Variants in URM1 observed in about 807,000 individuals in gnomAD.
The protein encoded by URM1 is ubiquitin related modifier 1.
A neutral mutation model predicts 17.7 loss-of-function variants in URM1; 11 were observed. The ratio of observed to expected loss-of-function variants is 0.62; its 90% CI spans 0.39 to 1.03. URM1 has a LOEUF of 1.03. URM1 is among the 50% of genes least tolerant of loss of function. URM1 has a pLI of 0.00. For missense variants in URM1, 128 were observed against 129.2 expected, an observed-to-expected ratio of 0.99 and a Z score of 0.04; for synonymous variants, 48 against 50.6, an observed-to-expected ratio of 0.95 and a Z score of 0.22.
intron 1 of URM1, among the ~76,000 whole-genome samples, chr9:128,374,109 C>T (rs1472603554): frequency 6.6e-6 from 1 of 152,060 alleles, no homozygotes; most frequent in Non-Finnish European, 1.5e-5. Flanking sequence ...GAGAGTCTGG[C>T]CTTGGTCTCT....
intron 4 of URM1, 108 bp downstream of exon 4, chr9:128,389,417 G>A (rs749680425): frequency 4.4e-6 from 7 of 1,602,514 alleles, no homozygotes; most frequent in African/African-American, 4.0e-5. Context: ...GTAATCCTCC[G>A]CCCCACTCCA....
intron 2 of URM1, among the ~76,000 whole-genome samples, chr9:128,385,763 C>T (rs1833218127): frequency 1.3e-5 from 2 of 152,182 alleles, no homozygotes; most frequent in South Asian, 2.1e-4. Flanking sequence ...CGAAGGGAGC[C>T]ATGAGTTCCC....
At chr9:128,381,127 A>T (rs1424611261) in intron 2 of URM1, among the ~76,000 whole-genome samples, 1 of 151,994 alleles carries the variant, frequency 6.6e-6, no homozygotes, top group Non-Finnish European at 1.5e-5. Context: ...CCCAGCCCCA[A>T]AGTACTTTAT....
intron 1 of URM1, among the ~76,000 whole-genome samples, chr9:128,371,743 T>G (rs1001588782): frequency 3.3e-5 from 5 of 152,244 alleles, no homozygotes; most frequent in African/African-American, 1.2e-4. Context: ...ATCCCATCTG[T>G]TTGGCATCTG....
chr9:128,380,075 G>A (rs1464963624), intron 2 of URM1, among the ~76,000 whole-genome samples: 1 of 152,006 alleles, frequency 6.6e-6, no homozygotes, highest in Non-Finnish European at 1.5e-5. Flanking sequence ...ATCACACACT[G>A]TTCTTCAGCC....
intron 2 of URM1, among the ~76,000 whole-genome samples, chr9:128,381,945 C>T (rs539247981): frequency 6.6e-6 from 1 of 152,292 alleles, no homozygotes; most frequent in South Asian, 2.1e-4. Flanking sequence ...TCAACAACTA[C>T]TTATTTCAAC....
rs201029924 is a variant in URM1, at chr9:128,371,377, C to T, written c.-4C>T. 2.5e-3 allele frequency: 3,996 copies of T among 1,613,264 alleles called. 13 individuals carry two copies. The highest frequency in any genetic ancestry group is 6.0e-3 in the South Asian group (544 of 91,048). ...GAGTTTCCTGCGAGCTCGGCTTCCT[C>T]AACATGGCTGCGCCCTTGTCAGTGG... On this transcript the variant is annotated 5_prime_UTR_variant, in exon 1 of 5. Coordinates refer to ENST00000372853, the MANE Select transcript of URM1 (RefSeq NM_030914.4).
At chr9:128,382,322 T>A (rs1833169386) in intron 2 of URM1, among the ~76,000 whole-genome samples, 4 of 152,144 alleles carry the variant, frequency 2.6e-5, no homozygotes, top group Admixed American at 2.6e-4. Flanking sequence ...CCCTGGCACA[T>A]GTGAGCCCAG....
intron 1 of URM1, among the ~76,000 whole-genome samples, chr9:128,375,099 G>C (rs563108641): frequency 3.3e-5 from 5 of 152,330 alleles, no homozygotes; most frequent in Non-Finnish European, 4.4e-5. Flanking sequence ...CTCTAGGCTT[G>C]AGTCTGCTTT....
intron 1 of URM1, among the ~76,000 whole-genome samples, chr9:128,376,075 A>G (rs1248720934): frequency 6.6e-6 from 1 of 151,152 alleles, no homozygotes; most frequent in Non-Finnish European, 1.5e-5. Flanking sequence ...TTTTCTTTTT[A>G]AATAATTAGA....
Position 128,389,902 on chromosome 9 carries a change from C to A in URM1, c.*168C>A. The A allele has an allele frequency of 3.4e-6, 3 of 888,050 alleles. No homozygotes were observed. In the East Asian group the frequency reaches 8.2e-5, roughly 24 times the overall value. 55.0% of individuals were successfully genotyped at this position (888,050 alleles called of 1,614,324 possible). On this transcript the variant is annotated 3_prime_UTR_variant, in exon 5 of 5. Transcript: ENST00000372853. ...AAGAGGCCAGGTGCTAAAAATGAGC[C>A]TTTCTCAAGCACGTGAGCAGCGGAA...
At chr9:128,388,428 C>T (rs1833257586) in intron 3 of URM1, 2 of 986,018 alleles carry the variant, frequency 2.0e-6, no homozygotes, top group Admixed American at 1.2e-4. Context: ...AGTGCAGTCT[C>T]CTTGGAAAGG....
chr9:128,374,848 G>A (rs1833057479), intron 1 of URM1, among the ~76,000 whole-genome samples: 1 of 152,346 alleles, frequency 6.6e-6, no homozygotes, highest in Middle Eastern at 3.4e-3. Context: ...GAGCCCTGGC[G>A]CTCATCTCAG....
chr9:128,382,763 A>G (rs1000900145), intron 2 of URM1, among the ~76,000 whole-genome samples: 1 of 152,212 alleles, frequency 6.6e-6, no homozygotes, highest in Non-Finnish European at 1.5e-5. Flanking sequence ...CCAAGTATAT[A>G]CAATTCGGTG....
At chr9:128,374,600 C>T (rs1012404660) in intron 1 of URM1, among the ~76,000 whole-genome samples, 5 of 152,218 alleles carry the variant, frequency 3.3e-5, no homozygotes, top group Admixed American at 1.3e-4. Flanking sequence ...ATCAACAAAG[C>T]GTGACCTTGT....
intron 2 of URM1, among the ~76,000 whole-genome samples, chr9:128,385,784 C>A (rs929822302): frequency 4.6e-5 from 7 of 152,130 alleles, no homozygotes; most frequent in Admixed American, 6.5e-5. Context: ...CCTCTCCCCA[C>A]CCCCAAATCC....
At chr9:128,385,858 A>G (rs1588585961) in intron 2 of URM1, among the ~76,000 whole-genome samples, 1 of 146,630 alleles carries the variant, frequency 6.8e-6, no homozygotes, top group South Asian at 2.4e-4. Context: ...GCTATCAAAA[A>G]TGTGGGCAGG....
Position 128,376,038 on chromosome 9 carries a change from G to A in URM1, c.36-1998G>A, listed in dbSNP as rs139776681. Reference sequence around the variant, plus strand: ...AGGCAGAGGAGTAAAAACAAGAGTCGGCAAATTTGGGTACTTGATTTTTTT... The same window carrying A: ...AGGCAGAGGAGTAAAAACAAGAGTCAGCAAATTTGGGTACTTGATTTTTTT... On this transcript the variant is annotated intron_variant, in intron 1 of 4. Coordinates refer to ENST00000372853, the MANE Select transcript of URM1 (RefSeq NM_030914.4). 1.6e-3 allele frequency among the ~76,000 whole-genome samples: 247 copies of A among 151,898 alleles called. 1 individual carries two copies. Among genetic ancestry groups the A allele is most frequent in the African/African-American group, 5.6e-3 (231 of 41,406 alleles).
chr9:128,375,626 C>T (rs1463093676), intron 1 of URM1, among the ~76,000 whole-genome samples: 1 of 152,050 alleles, frequency 6.6e-6, no homozygotes, highest in African/African-American at 2.4e-5. Flanking sequence ...GTGGCATGAC[C>T]TTGGCTAACT....
Sources: allele counts gnomAD v4.1 joint callset (sites outside exome capture counted in the v4.1 genomes callset), GRCh38; gene constraint gnomAD v4.1.1; transcripts MANE v1.5; gene names NCBI Gene and HGNC (gene_info 2026-07-23, HGNC 2026-07-21).